The following GAS2L1 variants were observed in gnomAD, a reference collection of about 807,000 sequenced individuals.
The protein encoded by GAS2L1 is GAS2-like protein 1.
GAS2L1 carries 26 observed loss-of-function variants against 44.0 expected under a neutral mutation model. The observed-to-expected ratio is 0.59, with a 90% CI of 0.43 to 0.82. The LOEUF (loss-of-function observed/expected upper bound fraction) is 0.82. Ranked by LOEUF, GAS2L1 falls within the 40% of genes least tolerant of loss-of-function variation. The pLI is 0.00. For synonymous variants in GAS2L1, 426 were observed against 415.9 expected, an observed-to-expected ratio of 1.02 and a Z score of -0.30; for missense variants, 1,006 against 983.0, an observed-to-expected ratio of 1.02 and a Z score of -0.31.
chr22:29,310,617 G>A lies in GAS2L1; in HGVS notation c.742-21G>A, dbSNP rs368408952. ...GCTGCGGGGCGCCCGGGGCACAGCCGTGACCTGCCCACACCTGCAGGTGCT... is the reference window on the plus strand; with the variant it reads ...GCTGCGGGGCGCCCGGGGCACAGCCATGACCTGCCCACACCTGCAGGTGCT... On this transcript the variant is annotated intron_variant, in intron 2 of 4. Transcript: ENST00000618518. 4.0e-4 allele frequency: 642 copies of A among 1,599,216 alleles called. 1 individual carries two copies. In the South Asian group the frequency reaches 4.6e-3, roughly 12 times the overall value.
intron 1 of GAS2L1, 95 bp downstream of exon 2, chr22:29,308,833 A>T (rs1457263368): frequency 2.0e-6 from 2 of 990,220 alleles, no homozygotes; most frequent in Admixed American, 6.4e-5. Context: ...TGCTATCTGC[A>T]GAACAGTCTG....
At chr22:29,309,014 T>C (rs2061378323) in intron 1 of GAS2L1, among the ~76,000 whole-genome samples, 1 of 152,254 alleles carries the variant, frequency 6.6e-6, no homozygotes, top group Non-Finnish European at 1.5e-5. Flanking sequence ...GTGTGCTAAC[T>C]GTGCCTCAAC....
At chr22:29,308,014 G>A (rs2061365163) in exon 1 of GAS2L1, 1 of 1,034,122 alleles carries the variant, frequency 9.7e-7, no homozygotes, top group Non-Finnish European at 1.3e-6. Context: ...TGGTGCAGGT[G>A]GCCAGCAGCT....
exon 5 of GAS2L1, chr22:29,312,008 G>A (rs1381929249): frequency 5.0e-6 from 8 of 1,611,776 alleles, no homozygotes; most frequent in Non-Finnish European, 5.9e-6. Flanking sequence ...AGCTGTTCCG[G>A]CGCCTGGAAG....
chr22:29,310,433 C>T lies in GAS2L1; in HGVS notation c.634-6C>T. 6.5e-7 allele frequency: 1 copy of T among 1,532,286 alleles called. No homozygotes were observed. Among genetic ancestry groups the T allele is most frequent in the Non-Finnish European group, 9.0e-7 (1 of 1,105,920 alleles). The allele number at this position is 1,532,286 out of a possible 1,614,324, so 94.9% of individuals were successfully genotyped here. A position where few individuals can be genotyped will look rare whatever the true frequency, so the allele number is the denominator to read the frequency against. Reference sequence around the variant, plus strand: ...TCTGACCCCTACCCTCTCTCTCTGGCCTCAGGTGAGGGAGATTCTGGGCCG... The same window carrying T: ...TCTGACCCCTACCCTCTCTCTCTGGTCTCAGGTGAGGGAGATTCTGGGCCG... On this transcript the variant is annotated splice_region_variant and splice_polypyrimidine_tract_variant and intron_variant, in intron 1 of 4. Coordinates refer to ENST00000618518, the Ensembl canonical transcript of GAS2L1.
At chr22:29,312,438 G>A in exon 5 of GAS2L1, 2 of 1,536,596 alleles carry the variant, frequency 1.3e-6, no homozygotes, top group Non-Finnish European at 1.8e-6. Flanking sequence ...CGCAGAGCTG[G>A]GGACATGGCA....
exon 1 of GAS2L1, chr22:29,308,006 G>A: frequency 1.1e-6 from 1 of 949,154 alleles, no homozygotes; most frequent in Non-Finnish European, 1.5e-6. Context: ...TGACAGACTG[G>A]TGCAGGTGGC....
chr22:29,310,942 T>C, exon 4 of GAS2L1: 1 of 1,613,706 alleles, frequency 6.2e-7, no homozygotes. Flanking sequence ...GCTCCCGGCC[T>C]GAGATGACTC....
intron 1 of GAS2L1, 59 bp from the exon 3 acceptor site, chr22:29,310,380 C>T: frequency 2.2e-6 from 2 of 929,620 alleles, no homozygotes; most frequent in Non-Finnish European, 1.7e-6. Context: ...GAATGGCTGA[C>T]ATTAAGCCCC....
chr22:29,311,486 TCC>T lies in GAS2L1; in HGVS notation c.1038_1039del (p.Arg347LeufsTer9). 1 of 1,453,392 alleles carries T rather than the reference TCC, an allele frequency of 6.9e-7. No individual in the cohort carries two copies. The allele number at this position is 1,453,392 out of a possible 1,614,324, so 90.0% of individuals were successfully genotyped here. A position where few individuals can be genotyped will look rare whatever the true frequency, so the allele number is the denominator to read the frequency against. ...GGCCCCGGGATCAGCTGCCCCCCCA[TCC>T]CCGCTCCCGCCGCTACTCCGGGGAC... is the stretch of plus-strand genomic sequence containing the variant. On this transcript the variant is annotated frameshift_variant, in exon 5 of 5. Coordinates refer to ENST00000618518, the Ensembl canonical transcript of GAS2L1. LOFTEE classifies it high-confidence loss of function.
chr22:29,306,839 G>A (rs895952101), upstream of GAS2L1: 10 of 152,294 alleles, frequency 6.6e-5, no homozygotes, highest in Admixed American at 6.5e-4. Flanking sequence ...TTGTCTGGGG[G>A]CCCTGGGGCT....
chr22:29,311,077 G>A, intron 4 of GAS2L1, 79 bp downstream of exon 5: 1 of 1,338,892 alleles, frequency 7.5e-7, no homozygotes, highest in South Asian at 1.4e-5. Flanking sequence ...TGGGTTGCCT[G>A]TGCGCCAGAG....
exon 1 of GAS2L1, chr22:29,308,248 G>A: frequency 6.2e-7 from 1 of 1,609,206 alleles, no homozygotes; most frequent in East Asian, 2.2e-5. Context: ...CTCCCGGGTG[G>A]TGGCGATGGC....
intron 1 of GAS2L1, among the ~76,000 whole-genome samples, 171 bp downstream of exon 2, chr22:29,308,909 G>A (rs2061377316): frequency 6.6e-6 from 1 of 152,184 alleles, no homozygotes; most frequent in African/African-American, 2.4e-5. Context: ...CCAAGGAAAT[G>A]GGTAGCCCAC....
At chr22:29,310,242 C>CAAAAAAAAAAAAAAAAAAAA (rs1400782855) in intron 1 of GAS2L1, 197 bp from the exon 3 acceptor site, 3 of 189,054 alleles carry the variant, frequency 1.6e-5, no homozygotes, top group African/African-American at 4.3e-5. Flanking sequence ...AACTCCAACT[C>CAAAAAAAAAAAAAAAAAAAA]AAAAAAAAAA....
intron 4 of GAS2L1, 41 bp downstream of exon 5, chr22:29,311,039 G>A (rs748264714): frequency 1.5e-5 from 24 of 1,567,738 alleles, no homozygotes; most frequent in Admixed American, 6.9e-5. Flanking sequence ...TCCAGAGGGT[G>A]GGGGGGCGTC....
upstream of GAS2L1, chr22:29,306,918 C>G (rs1289159216): frequency 2.6e-5 from 4 of 152,184 alleles, no homozygotes; most frequent in Non-Finnish European, 5.9e-5. Flanking sequence ...GACCCCAGCT[C>G]CACCCCAGCT....
exon 1 of GAS2L1, chr22:29,308,497 A>G (rs1282094322): frequency 1.2e-6 from 2 of 1,609,214 alleles, no homozygotes; most frequent in Admixed American, 1.7e-5. Context: ...GTGCTGCGCA[A>G]GAACGAGAAG....
exon 5 of GAS2L1, chr22:29,311,907 T>C: frequency 6.2e-7 from 1 of 1,602,110 alleles, no homozygotes. Context: ...ACCCCGGCTT[T>C]CCCGGGTCTC....
Sources: allele counts gnomAD v4.1 joint callset (sites outside exome capture counted in the v4.1 genomes callset), GRCh38; gene constraint gnomAD v4.1.1; transcripts MANE v1.5; gene names NCBI Gene and HGNC (gene_info 2026-07-23, HGNC 2026-07-21).